Variants in TNFRSF19 observed in about 807,000 individuals in gnomAD.
The protein encoded by TNFRSF19 is TNF receptor superfamily member 19, also known as tumor necrosis factor receptor superfamily member 19.
A neutral mutation model predicts 46.4 loss-of-function variants in TNFRSF19; 27 were observed. The ratio of observed to expected loss-of-function variants is 0.58; its 90% CI spans 0.43 to 0.80. The LOEUF is 0.80. Among genes scored for constraint, TNFRSF19 ranks in the 30% least tolerant of loss-of-function variants. The pLI is 0.00. For synonymous variants in TNFRSF19, 204 were observed against 205.0 expected (o/e 1.00, Z 0.04); for missense variants, 511 against 530.8 (o/e 0.96, Z 0.37).
At chr13:23,657,705 T>C in intron 5 of TNFRSF19, among the ~76,000 whole-genome samples, 1 of 152,154 alleles carries the variant, frequency 6.6e-6, no homozygotes. Flanking sequence ...CTTCTTCTTT[T>C]TTTCTTGAGA....
At chr13:23,668,539 T>G (rs1951689548) in intron 8 of TNFRSF19, among the ~76,000 whole-genome samples, 153 bp from the exon 9 acceptor site, 1 of 152,230 alleles carries the variant, frequency 6.6e-6, no homozygotes, top group Non-Finnish European at 1.5e-5. Flanking sequence ...CTTATTGTAT[T>G]GAGATGAGTT....
chr13:23,576,567 G>A (rs1381988803), intron 1 of TNFRSF19, among the ~76,000 whole-genome samples: 1 of 152,154 alleles, frequency 6.6e-6, no homozygotes, highest in Non-Finnish European at 1.5e-5. Flanking sequence ...GCATCTGAGG[G>A]GGACTGCTTT....
rs1566207954 is a variant in TNFRSF19, at chr13:23,644,994, A to G, written c.446-14056A>G. Among the ~76,000 whole-genome samples the G allele has an allele frequency of 2.0e-5, 3 of 152,196 alleles. No homozygotes were observed. In the East Asian group the frequency reaches 5.8e-4, roughly 29 times the overall value. ...TCAGTAATAGATCACCAGTACTCTTAACTCCACTGAGCTCTGCTCCTCTTA... is the reference window on the plus strand; with the variant it reads ...TCAGTAATAGATCACCAGTACTCTTGACTCCACTGAGCTCTGCTCCTCTTA... On this transcript the variant is annotated intron_variant, in intron 5 of 9. Coordinates refer to ENST00000248484, the MANE Select transcript of TNFRSF19 (RefSeq NM_148957.4).
At chr13:23,581,368 A>C (rs779981965) in intron 1 of TNFRSF19, among the ~76,000 whole-genome samples, 4 of 151,816 alleles carry the variant, frequency 2.6e-5, no homozygotes, top group Admixed American at 6.6e-5. Flanking sequence ...GGATGGTCTC[A>C]ATCTCCTGAC....
At chr13:23,654,637 G>A (rs367847210) in intron 5 of TNFRSF19, among the ~76,000 whole-genome samples, 26 of 152,292 alleles carry the variant, frequency 1.7e-4, no homozygotes, top group African/African-American at 5.8e-4. Flanking sequence ...AACATGAGCT[G>A]TACTTTGGTT....
chr13:23,655,803 T>A (rs1180851010), intron 5 of TNFRSF19, among the ~76,000 whole-genome samples: 2 of 151,784 alleles, frequency 1.3e-5, no homozygotes, highest in Non-Finnish European at 2.9e-5. Flanking sequence ...GCTGCTCAAG[T>A]CATAAAGAAT....
intron 7 of TNFRSF19, among the ~76,000 whole-genome samples, chr13:23,662,619 A>G (rs761304359): frequency 2.0e-5 from 3 of 152,244 alleles, no homozygotes; most frequent in Non-Finnish European, 4.4e-5. Context: ...TTGTTTGGGC[A>G]GTATGGCCAC....
chr13:23,602,708 A>C (rs1880247817), intron 3 of TNFRSF19, among the ~76,000 whole-genome samples: 1 of 152,132 alleles, frequency 6.6e-6, no homozygotes. Context: ...TAACAGAAAG[A>C]TAGCTGGAAA....
At chr13:23,609,819 C>T (rs1282049843) in intron 3 of TNFRSF19, among the ~76,000 whole-genome samples, 4 of 152,146 alleles carry the variant, frequency 2.6e-5, no homozygotes. Flanking sequence ...TTCATTTCTG[C>T]CATTTAATGA....
chr13:23,633,709 C>T (rs1193781710), intron 5 of TNFRSF19, among the ~76,000 whole-genome samples: 10 of 152,084 alleles, frequency 6.6e-5, no homozygotes, highest in Admixed American at 5.2e-4. Context: ...ATTAGCTGCG[C>T]GTGGTGGCAG....
intron 1 of TNFRSF19, among the ~76,000 whole-genome samples, chr13:23,589,638 T>C (rs185242495): frequency 1.3e-5 from 2 of 152,342 alleles, no homozygotes; most frequent in East Asian, 3.9e-4. Context: ...TAGCCCTCTC[T>C]GAGTTTCCCC....
At chr13:23,637,200 A>C (rs1176492716) in intron 5 of TNFRSF19, among the ~76,000 whole-genome samples, 1 of 152,110 alleles carries the variant, frequency 6.6e-6, no homozygotes, top group East Asian at 1.9e-4. Context: ...AATCAGGGGA[A>C]GCTCTCTCTG....
At chr13:23,638,572 C>G (rs1355922917) in intron 5 of TNFRSF19, among the ~76,000 whole-genome samples, 1 of 152,274 alleles carries the variant, frequency 6.6e-6, no homozygotes, top group East Asian at 1.9e-4. Flanking sequence ...GTCTCTAGAC[C>G]AAGTGATCTG....
At chr13:23,671,580 T>C (rs542141813) in intron 9 of TNFRSF19, among the ~76,000 whole-genome samples, 20 of 152,180 alleles carry the variant, frequency 1.3e-4, no homozygotes, top group African/African-American at 4.6e-4. Context: ...ACTTCAGGCC[T>C]TTGGGGGCCT....
chr13:23,607,101 A>G (rs992264852), intron 3 of TNFRSF19, among the ~76,000 whole-genome samples: 4 of 146,908 alleles, frequency 2.7e-5, no homozygotes, highest in Non-Finnish European at 6.0e-5. Context: ...TCAGACAACT[A>G]CGTTTATAAA....
chr13:23,649,453 T>C (rs73156785), intron 5 of TNFRSF19, among the ~76,000 whole-genome samples: 1 of 152,086 alleles, frequency 6.6e-6, no homozygotes, highest in Non-Finnish European at 1.5e-5. Flanking sequence ...CTATTCTCTC[T>C]TATTTACTTA....
At chr13:23,597,812 C>T (rs1879847105) in intron 3 of TNFRSF19, among the ~76,000 whole-genome samples, 1 of 152,146 alleles carries the variant, frequency 6.6e-6, no homozygotes, top group South Asian at 2.1e-4. Flanking sequence ...AATTTCAGGC[C>T]AATATCCCTG....
chr13:23,660,266 G>A, intron 6 of TNFRSF19, 99 bp from the exon 7 acceptor site: 1 of 1,212,282 alleles, frequency 8.2e-7, no homozygotes, highest in Non-Finnish European at 1.1e-6. Flanking sequence ...ACATTGGAAG[G>A]ATAGCTGATT....
intron 3 of TNFRSF19, among the ~76,000 whole-genome samples, chr13:23,598,567 C>T (rs1484822558): frequency 6.6e-6 from 1 of 152,138 alleles, no homozygotes; most frequent in East Asian, 1.9e-4. Flanking sequence ...ATTCCTTTGA[C>T]AGTATGTGTC....
Sources: gnomAD v4.1 joint callset for allele counts (sites outside exome capture counted in the v4.1 genomes callset) on GRCh38, gnomAD v4.1.1 for gene constraint, MANE v1.5 for transcripts, NCBI Gene and HGNC (gene_info 2026-07-23, HGNC 2026-07-21) for gene names.